Variants in IFRD1 observed in about 807,000 individuals in gnomAD.
IFRD1 encodes interferon-related developmental regulator 1.
In IFRD1, 35 loss-of-function variants were observed where a neutral mutation model predicts 52.9. That is an observed-to-expected ratio of 0.66 (90% CI 0.51 to 0.88). IFRD1 has a LOEUF of 0.88. IFRD1 is among the 40% of genes least tolerant of loss of function. The probability of loss-of-function intolerance (pLI) is 0.00; values close to 1 mark genes in which losing one functional copy is unlikely to be tolerated. For synonymous variants in IFRD1, 184 were observed against 188.4 expected, an observed-to-expected ratio of 0.98 and a Z score of 0.19; for missense variants, 517 against 550.8, an observed-to-expected ratio of 0.94 and a Z score of 0.61.
rs1795884893 is a variant in IFRD1, at chr7:112,475,723, T to TA, written c.*207dup. On this transcript the variant is annotated 3_prime_UTR_variant, in exon 12 of 12. Coordinates refer to ENST00000403825, the MANE Select transcript of IFRD1 (RefSeq NM_001550.4). ...TTCTCTGTAAATCAGTAAACATGTA[T>TA]AAAGTATTTGTAATGTTTGGTCATA... 1.9e-6 allele frequency: 1 copy of TA among 529,540 alleles called. No individual in the cohort carries two copies. Among genetic ancestry groups the TA allele is most frequent in the Admixed American group, 3.5e-5 (1 of 28,280 alleles). 32.8% of individuals were successfully genotyped at this position (529,540 alleles called of 1,614,324 possible).
intron 1 of IFRD1, among the ~76,000 whole-genome samples, chr7:112,439,998 T>G (rs60046006): frequency 0.041 from 6,249 of 152,210 alleles, 326 homozygotes; most frequent in African/African-American, 0.12. Context: ...CCATTTTTTT[T>G]TTTTTGAGAT....
chr7:112,449,877 C>T (rs1308765389), upstream of IFRD1, among the ~76,000 whole-genome samples: 1 of 150,404 alleles, frequency 6.6e-6, no homozygotes, highest in Non-Finnish European at 1.5e-5. Flanking sequence ...GGTCCAATTA[C>T]AGGTACAGTA....
rs1241893669 is a variant in IFRD1, at chr7:112,450,558, C to T, written c.-131C>T. 4.2e-6 allele frequency: 3 copies of T among 721,812 alleles called. No individual in the cohort carries two copies. The highest frequency in any genetic ancestry group is 2.7e-5 in the East Asian group (1 of 37,188). 44.7% of individuals were successfully genotyped at this position (721,812 alleles called of 1,614,324 possible). On this transcript the variant is annotated 5_prime_UTR_variant, in exon 1 of 12. Transcript: ENST00000403825. ...CCACCGCCCACTCTTACCCCCGCCG[C>T]TTCTCGACTCTGTTGTTAGCCGAAG...
chr7:112,451,251 G>GCGTCA (rs1795155130), intron 1 of IFRD1: 1 of 170,942 alleles, frequency 5.8e-6, no homozygotes, highest in South Asian at 1.1e-4. Flanking sequence ...ACGGGCTCTT[G>GCGTCA]CGTCACGCGG....
At position 112,472,873 on chromosome 7, in the gene IFRD1, T is replaced by C; in HGVS notation, c.1266+12T>C. The stretch of plus-strand genomic sequence containing the variant: ...CTCGTTTCGAAAGGGTAGGTTTTGT[T>C]TTTATTTTTAATAAAACTAAGTGCG... On this transcript the variant is annotated intron_variant, in intron 11 of 11. Coordinates refer to ENST00000403825, the MANE Select transcript of IFRD1 (RefSeq NM_001550.4). The C allele has an allele frequency of 6.3e-7, 1 of 1,588,066 alleles. No individual in the cohort carries two copies. The highest frequency in any genetic ancestry group is 1.7e-5 in the Admixed American group (1 of 59,996).
At chr7:112,451,932 G>A (rs1380900939) in intron 1 of IFRD1, 1 of 830,462 alleles carries the variant, frequency 1.2e-6, no homozygotes, top group Admixed American at 6.2e-5. Context: ...TGTTGTTAAA[G>A]GTTATTGGAA....
rs1019685139 is a variant in IFRD1, at chr7:112,472,460, A to G, written c.1170+113A>G. 100 of 1,150,478 alleles carry G rather than the reference A, an allele frequency of 8.7e-5. No individual in the cohort carries two copies. The Admixed American group carries it at 1.7e-3, about 19-fold the overall frequency. 71.3% of individuals were successfully genotyped at this position (1,150,478 alleles called of 1,614,324 possible). A position where few individuals can be genotyped will look rare whatever the true frequency, so the allele number is the denominator to read the frequency against. ...GGTATCCAGAGTGCTTCCACATGTT[A>G]GAAAACAGTAAACTTGTTTTTGAAA... On this transcript the variant is annotated intron_variant, in intron 10 of 11. Coordinates refer to ENST00000403825, the MANE Select transcript of IFRD1 (RefSeq NM_001550.4).
intron 11 of IFRD1, among the ~76,000 whole-genome samples, chr7:112,473,821 T>C (rs1036614875): frequency 1.3e-5 from 2 of 152,218 alleles, no homozygotes; most frequent in Non-Finnish European, 2.9e-5. Flanking sequence ...GTGGCACTTA[T>C]TACATTCATG....
intron 11 of IFRD1, among the ~76,000 whole-genome samples, chr7:112,473,575 T>C (rs1391300961): frequency 2.0e-5 from 3 of 151,926 alleles, no homozygotes; most frequent in African/African-American, 7.3e-5. Flanking sequence ...CAGGTGTGCA[T>C]TACCACACCT....
chr7:112,459,544 G>GT (rs1265721251), intron 5 of IFRD1, among the ~76,000 whole-genome samples: 2 of 152,100 alleles, frequency 1.3e-5, no homozygotes. Flanking sequence ...AAGTGAATCA[G>GT]TTTAAGCTTG....
chr7:112,463,895 C>G (rs1432230268), intron 8 of IFRD1, among the ~76,000 whole-genome samples: 2 of 9,364 alleles, frequency 2.1e-4, no homozygotes, highest in African/African-American at 1.3e-3. Context: ...CACACACACA[C>G]CCCACGTATC....
chr7:112,472,144 T>C, intron 9 of IFRD1, 75 bp from the exon 10 acceptor site: 2 of 1,457,690 alleles, frequency 1.4e-6, no homozygotes, highest in Non-Finnish European at 1.9e-6. Context: ...TATGACTGTT[T>C]AGAAATTGTG....
chr7:112,457,948 T>G (rs920952870), intron 4 of IFRD1: 2 of 152,162 alleles, frequency 1.3e-5, no homozygotes, highest in East Asian at 3.8e-4. Context: ...TTTGATCAAA[T>G]TCACTCTTCC....
At chr7:112,436,863 C>T (rs189079361) in intron 1 of IFRD1, among the ~76,000 whole-genome samples, 1 of 152,012 alleles carries the variant, frequency 6.6e-6, no homozygotes, top group East Asian at 1.9e-4. Flanking sequence ...AAAATGTTCA[C>T]CAAGTTTGGG....
At chr7:112,466,890 T>C (rs1397659041) in intron 8 of IFRD1, among the ~76,000 whole-genome samples, 2 of 152,182 alleles carry the variant, frequency 1.3e-5, no homozygotes, top group Non-Finnish European at 2.9e-5. Flanking sequence ...TAAACACAGT[T>C]TGGTCTATTT....
Position 112,477,089 on chromosome 7 carries a change from A to G in IFRD1, c.*1570A>G, listed in dbSNP as rs950065303. On this transcript the variant is annotated 3_prime_UTR_variant, in exon 12 of 12. Transcript: ENST00000403825. ...TTGGTTATGTTCCAAGTAGGTTAGAACCATGGAAAAGAGATTGCAAATGGT... is the reference window on the plus strand; with the variant it reads ...TTGGTTATGTTCCAAGTAGGTTAGAGCCATGGAAAAGAGATTGCAAATGGT... The G allele has an allele frequency of 1.3e-5, 2 of 152,188 alleles. No individual in the cohort carries two copies. Among genetic ancestry groups the G allele is most frequent in the Non-Finnish European group, 2.9e-5 (2 of 68,036 alleles). The allele number at this position is 152,188 out of a possible 1,614,324, so 9.4% of individuals were successfully genotyped here.
rs1375945752 is a variant in IFRD1, at chr7:112,475,786, TG to T, written c.*271del. The T allele has an allele frequency of 7.8e-6, 3 of 382,254 alleles. No homozygotes were observed. The highest frequency in any genetic ancestry group is 6.3e-5 in the African/African-American group (3 of 47,932). 23.7% of individuals were successfully genotyped at this position (382,254 alleles called of 1,614,324 possible). On this transcript the variant is annotated 3_prime_UTR_variant, in exon 12 of 12. Transcript: ENST00000403825. Reference sequence around the variant, plus strand: ...AGACAGCAAAAGACTGATTTCATGATGGGGAAAACAATTAGCCAAAGTTTAA... The same window carrying T: ...AGACAGCAAAAGACTGATTTCATGATGGGAAAACAATTAGCCAAAGTTTAA...
intron 1 of IFRD1, among the ~76,000 whole-genome samples, chr7:112,433,276 G>C (rs1452714034): frequency 6.6e-6 from 1 of 152,198 alleles, no homozygotes; most frequent in Non-Finnish European, 1.5e-5. Flanking sequence ...AATTTGGTGA[G>C]TAGTGGGTTG....
At chr7:112,426,198 G>A (rs186638297) in intron 1 of IFRD1, among the ~76,000 whole-genome samples, 2 of 152,122 alleles carry the variant, frequency 1.3e-5, no homozygotes, top group Non-Finnish European at 2.9e-5. Flanking sequence ...GTGACAGGGT[G>A]AAACCTGTCC....
Sources: gnomAD v4.1 joint callset for allele counts (sites outside exome capture counted in the v4.1 genomes callset) on GRCh38, gnomAD v4.1.1 for gene constraint, MANE v1.5 for transcripts, NCBI Gene and HGNC (gene_info 2026-07-23, HGNC 2026-07-21) for gene names.